Variants in RASA1 observed in about 807,000 individuals in gnomAD.
RASA1 encodes RAS p21 protein activator 1.
RASA1 carries 25 observed loss-of-function variants against 132.2 expected under a neutral mutation model. The observed-to-expected ratio is 0.19, with a 90% CI of 0.14 to 0.26. RASA1 has a LOEUF of 0.26. Among genes scored for constraint, RASA1 ranks in the 10% least tolerant of loss-of-function variants. The pLI is 1.00. For synonymous variants in RASA1, 477 were observed against 449.9 expected (o/e 1.06, Z -0.76); for missense variants, 964 against 1,299.2 (o/e 0.74, Z 3.97).
At chr5:87,348,714 C>T (rs1759041294) in intron 7 of RASA1, among the ~76,000 whole-genome samples, 9 of 151,472 alleles carry the variant, frequency 5.9e-5, no homozygotes, top group East Asian at 5.8e-4. Flanking sequence ...TCAAGTGATC[C>T]TCCTGGATAG....
rs1023908083 is a variant in RASA1, at chr5:87,336,532, TA to T, written c.900-1441del. Among the ~76,000 whole-genome samples the T allele has an allele frequency of 4.5e-4, 68 of 152,222 alleles. 1 individual carries two copies. Among genetic ancestry groups the T allele is most frequent in the African/African-American group, 1.4e-3 (59 of 41,588 alleles). The stretch of plus-strand genomic sequence containing the variant: ...TTTAATAAAGCACTTTAGCCTGTTT[TA>T]GGGGGGATAACACAAAATAATATAG... On this transcript the variant is annotated intron_variant, in intron 4 of 24. Transcript: ENST00000274376.
intron 17 of RASA1, 174 bp downstream of exon 17, chr5:87,377,214 AC>A (rs1761387401): frequency 1.3e-6 from 1 of 797,050 alleles, no homozygotes; most frequent in South Asian, 1.6e-5. Flanking sequence ...TATGTTGGTT[AC>A]TATGGGAAGC....
chr5:87,308,627 A>G (rs1755731145), intron 1 of RASA1, among the ~76,000 whole-genome samples: 1 of 152,226 alleles, frequency 6.6e-6, no homozygotes, highest in African/African-American at 2.4e-5. Flanking sequence ...TGTATAATGT[A>G]CATGCATTTG....
At chr5:87,354,271 T>A (rs1328681052) in intron 9 of RASA1, among the ~76,000 whole-genome samples, 1 of 152,152 alleles carries the variant, frequency 6.6e-6, no homozygotes, top group Non-Finnish European at 1.5e-5. Flanking sequence ...CAAAGATAGT[T>A]TTTTTTACAA....
chr5:87,351,456 G>A (rs191690100), intron 8 of RASA1, among the ~76,000 whole-genome samples: 181 of 151,732 alleles, frequency 1.2e-3, no homozygotes, highest in Non-Finnish European at 2.0e-3. Context: ...TAGACCTTGA[G>A]GAGACAATAT....
At chr5:87,329,295 A>G (rs1191134593) in intron 1 of RASA1, among the ~76,000 whole-genome samples, 1 of 150,328 alleles carries the variant, frequency 6.7e-6, no homozygotes, top group African/African-American at 2.4e-5. Context: ...AAAAAAAAAA[A>G]GCTGGATGTG....
chr5:87,326,568 G>A (rs1757246180), intron 1 of RASA1, among the ~76,000 whole-genome samples: 1 of 152,130 alleles, frequency 6.6e-6, no homozygotes, highest in Admixed American at 6.5e-5. Context: ...AAGAGAGAGG[G>A]AGATTTACTT....
chr5:87,371,006 T>C (rs550501401), intron 12 of RASA1, among the ~76,000 whole-genome samples: 5 of 152,284 alleles, frequency 3.3e-5, no homozygotes, highest in African/African-American at 1.2e-4. Context: ...AGAAAGGTAG[T>C]GCTCAAAACA....
chr5:87,380,496 G>A lies in RASA1; in HGVS notation c.2604-13G>A, dbSNP rs746835418. ...TTGCTTTCTGTGTTGAGATGATTGT[G>A]TTATTTTGGCAGGACATTGAGATAT... is the stretch of plus-strand genomic sequence containing the variant. On this transcript the variant is annotated splice_polypyrimidine_tract_variant and intron_variant, in intron 19 of 24. Coordinates refer to ENST00000274376, the MANE Select transcript of RASA1 (RefSeq NM_002890.3). 6.2e-7 allele frequency: 1 copy of A among 1,603,972 alleles called. No homozygotes were observed. Among genetic ancestry groups the A allele is most frequent in the East Asian group, 2.2e-5 (1 of 44,750 alleles).
At chr5:87,380,168 CTG>C (rs999456427) in intron 19 of RASA1, among the ~76,000 whole-genome samples, 4 of 152,060 alleles carry the variant, frequency 2.6e-5, no homozygotes, top group African/African-American at 9.7e-5. Context: ...ACTAATCACT[CTG>C]TTAATATGCT....
chr5:87,341,052 T>C (rs1758398881), intron 5 of RASA1, among the ~76,000 whole-genome samples: 1 of 151,954 alleles, frequency 6.6e-6, no homozygotes, highest in Non-Finnish European at 1.5e-5. Flanking sequence ...GACATAATTA[T>C]ATTAGTTGGG....
chr5:87,296,810 G>GTT (rs1755139432), intron 1 of RASA1, among the ~76,000 whole-genome samples: 1 of 152,060 alleles, frequency 6.6e-6, no homozygotes, highest in Non-Finnish European at 1.5e-5. Context: ...CAGTCTTAAT[G>GTT]TTATCTGAGT....
At chr5:87,371,523 G>A (rs535485643) in intron 12 of RASA1, among the ~76,000 whole-genome samples, 3 of 152,144 alleles carry the variant, frequency 2.0e-5, no homozygotes, top group Admixed American at 1.3e-4. Context: ...TTAAAAATAT[G>A]GCTGCAATTT....
At chr5:87,356,870 T>G (rs1759690439) in intron 9 of RASA1, among the ~76,000 whole-genome samples, 1 of 152,192 alleles carries the variant, frequency 6.6e-6, no homozygotes, top group African/African-American at 2.4e-5. Flanking sequence ...TATGCCTATA[T>G]TTTCCTTCAT....
Position 87,268,577 on chromosome 5 carries a change from G to T in RASA1, c.126G>T (p.Leu42=), listed in dbSNP as rs569976773. 181 of 1,608,728 alleles carry T rather than the reference G, an allele frequency of 1.1e-4. No homozygotes were observed. The South Asian group carries it at 1.8e-3, about 16-fold the overall frequency. The change falls in exon 1 of 25, where the codon CTG becomes CTT. Residue 42 remains leucine (L), a synonymous_variant. Transcript: ENST00000274376. The part of the protein sequence containing the change: ...AVCRVKIPAA[L]PVAAAPYPGL... ...GTCGGGTGAAGATACCCGCGGCCCT[G>T]CCTGTGGCAGCCGCCCCCTATCCTG...
At chr5:87,271,400 AT>A (rs1753824600) in intron 1 of RASA1, among the ~76,000 whole-genome samples, 1 of 150,184 alleles carries the variant, frequency 6.7e-6, no homozygotes, top group Non-Finnish European at 1.5e-5. Context: ...TTATAACTAA[AT>A]TAGGTATATT....
chr5:87,275,070 A>G (rs1156608794), intron 1 of RASA1, among the ~76,000 whole-genome samples: 1 of 152,234 alleles, frequency 6.6e-6, no homozygotes, highest in Non-Finnish European at 1.5e-5. Flanking sequence ...ACAGCCATAA[A>G]TTAGGAAGGG....
intron 22 of RASA1, 109 bp from the exon 23 acceptor site, chr5:87,386,716 CA>C (rs1333485551): frequency 5.7e-6 from 5 of 872,600 alleles, no homozygotes; most frequent in African/African-American, 1.7e-5. Flanking sequence ...TAATTTGGTG[CA>C]ATAGTAATTG....
At chr5:87,310,254 T>C (rs1263485905) in intron 1 of RASA1, among the ~76,000 whole-genome samples, 5 of 151,914 alleles carry the variant, frequency 3.3e-5, no homozygotes, top group African/African-American at 9.7e-5. Flanking sequence ...AAATAAGGAA[T>C]TTTAAAAAAG....
Sources: gnomAD v4.1 joint callset for allele counts (sites outside exome capture counted in the v4.1 genomes callset) on GRCh38, gnomAD v4.1.1 for gene constraint, MANE v1.5 for transcripts, NCBI Gene and HGNC (gene_info 2026-07-23, HGNC 2026-07-21) for gene names.